B3GAT2: variants seen among roughly 807,000 people sequenced by gnomAD.
The protein encoded by B3GAT2 is galactosylgalactosylxylosylprotein 3-beta-glucuronosyltransferase 2.
In B3GAT2, 26 loss-of-function variants were observed where a neutral mutation model predicts 27.8. That is an observed-to-expected ratio of 0.93 (90% CI 0.68 to 1.30). The LOEUF is 1.30. Ranked by LOEUF, B3GAT2 falls within the 50% of genes most tolerant of loss-of-function variation. The pLI is 0.00. For missense variants in B3GAT2, 458 were observed against 459.0 expected (o/e 1.00, Z 0.02); for synonymous variants, 218 against 195.1 (o/e 1.12, Z -0.98).
intron 1 of B3GAT2, among the ~76,000 whole-genome samples, chr6:70,928,190 T>C (rs1379645069): frequency 6.6e-6 from 1 of 151,874 alleles, no homozygotes; most frequent in African/African-American, 2.4e-5. Flanking sequence ...AAGCAGTGTG[T>C]AGAGGGAAAT....
At chr6:70,898,257 T>C (rs556593311) in intron 1 of B3GAT2, among the ~76,000 whole-genome samples, 1 of 152,324 alleles carries the variant, frequency 6.6e-6, no homozygotes, top group South Asian at 2.1e-4. Flanking sequence ...AGGTCTTTAA[T>C]TTCTCCCAGC....
At chr6:70,891,569 C>T (rs1003265096) in intron 2 of B3GAT2, among the ~76,000 whole-genome samples, 13 of 152,110 alleles carry the variant, frequency 8.5e-5, no homozygotes, top group African/African-American at 1.2e-4. Flanking sequence ...GTGATGACCT[C>T]ACAGAGATAC....
intron 1 of B3GAT2, among the ~76,000 whole-genome samples, chr6:70,910,945 C>A (rs1381431666): frequency 1.3e-5 from 2 of 152,124 alleles, no homozygotes; most frequent in African/African-American, 4.8e-5. Flanking sequence ...GGCATTTTTT[C>A]ATATGCTTGT....
At chr6:70,936,951 T>C (rs1021390283) in intron 1 of B3GAT2, among the ~76,000 whole-genome samples, 3 of 151,842 alleles carry the variant, frequency 2.0e-5, no homozygotes, top group Admixed American at 6.6e-5. Context: ...TTCAAAAAAT[T>C]AATGAATCCA....
intron 1 of B3GAT2, among the ~76,000 whole-genome samples, chr6:70,931,097 C>T (rs1185290136): frequency 1.3e-5 from 2 of 152,066 alleles, no homozygotes. Flanking sequence ...GAAAACCAAA[C>T]ACCACATGTT....
At chr6:70,888,744 C>T (rs1206605051) in intron 2 of B3GAT2, among the ~76,000 whole-genome samples, 1 of 152,110 alleles carries the variant, frequency 6.6e-6, no homozygotes, top group Non-Finnish European at 1.5e-5. Flanking sequence ...TATCTGACCC[C>T]AGCTTGCCCT....
intron 1 of B3GAT2, among the ~76,000 whole-genome samples, chr6:70,910,876 T>C (rs1277876785): frequency 6.6e-6 from 1 of 152,226 alleles, no homozygotes; most frequent in African/African-American, 2.4e-5. Context: ...TTCTGACTGG[T>C]GTGAGATGGT....
At position 70,857,703 on chromosome 6, in the gene B3GAT2, A is replaced by C; in HGVS notation, c.*3960T>G. 1 of 553,872 alleles carries C rather than the reference A, an allele frequency of 1.8e-6. No homozygotes were observed. Among genetic ancestry groups the C allele is most frequent in the Non-Finnish European group, 3.2e-6 (1 of 312,278 alleles). The allele number at this position is 553,872 out of a possible 1,614,324, so 34.3% of individuals were successfully genotyped here. On this transcript the variant is annotated 3_prime_UTR_variant, in exon 4 of 4. Coordinates refer to ENST00000230053, the MANE Select transcript of B3GAT2 (RefSeq NM_080742.3). ...CTGTTGCATATGATTTACATTTCTT[A>C]ATTAAATTTACTCAGGTTAATAACT...
intron 1 of B3GAT2, among the ~76,000 whole-genome samples, chr6:70,939,640 T>C (rs866346120): frequency 1.7e-4 from 25 of 151,084 alleles, no homozygotes; most frequent in Middle Eastern, 3.5e-3. Flanking sequence ...AGTAAACTAT[T>C]GCAAGGACAA....
intron 2 of B3GAT2, among the ~76,000 whole-genome samples, chr6:70,863,665 T>TCA (rs1270130616): frequency 6.6e-6 from 1 of 152,188 alleles, no homozygotes; most frequent in Non-Finnish European, 1.5e-5. Flanking sequence ...ACACTTCAAC[T>TCA]CAATGTTTGA....
intron 1 of B3GAT2, among the ~76,000 whole-genome samples, chr6:70,908,834 G>C (rs1428613084): frequency 6.6e-6 from 1 of 152,054 alleles, no homozygotes; most frequent in Non-Finnish European, 1.5e-5. Context: ...AAATTCTCAG[G>C]TTCTCCTGGT....
chr6:70,885,600 T>C (rs1164173416), intron 2 of B3GAT2, among the ~76,000 whole-genome samples: 5 of 152,136 alleles, frequency 3.3e-5, no homozygotes, highest in Admixed American at 3.3e-4. Context: ...GAAATGAAGT[T>C]CATCATGAGC....
At chr6:70,955,491 G>A (rs1345463262) in intron 1 of B3GAT2, among the ~76,000 whole-genome samples, 2 of 149,148 alleles carry the variant, frequency 1.3e-5, no homozygotes, top group Non-Finnish European at 3.0e-5. Context: ...GCGCCTGCAG[G>A]TCTAAGCTCC....
At chr6:70,879,807 T>TA (rs1458270757) in intron 2 of B3GAT2, among the ~76,000 whole-genome samples, 2 of 151,848 alleles carry the variant, frequency 1.3e-5, no homozygotes, top group East Asian at 3.9e-4. Flanking sequence ...CAGAGACAAG[T>TA]ACACGTGATG....
chr6:70,872,640 C>T (rs1771956311), intron 2 of B3GAT2, among the ~76,000 whole-genome samples: 1 of 151,538 alleles, frequency 6.6e-6, no homozygotes, highest in Non-Finnish European at 1.5e-5. Flanking sequence ...TTTATACATC[C>T]TGTCCATCTG....
chr6:70,911,141 T>G (rs1419521675), intron 1 of B3GAT2, among the ~76,000 whole-genome samples: 2 of 152,250 alleles, frequency 1.3e-5, no homozygotes, highest in Non-Finnish European at 2.9e-5. Flanking sequence ...CTTGATAGTT[T>G]CTTTTTGTTG....
Position 70,956,876 on chromosome 6 carries a change from C to T in B3GAT2, c.-447G>A. On this transcript the variant is annotated 5_prime_UTR_variant, in exon 1 of 4. Coordinates refer to ENST00000230053, the MANE Select transcript of B3GAT2 (RefSeq NM_080742.3). The stretch of plus-strand genomic sequence containing the variant: ...TCCAGCCGCGGGCCCCCAGGACGCT[C>T]TCTGGGACGCCTTCGAGGGCGGGCG... 2.0e-6 allele frequency: 2 copies of T among 1,019,094 alleles called. No individual in the cohort carries two copies. Among genetic ancestry groups the T allele is most frequent in the Non-Finnish European group, 2.3e-6 (2 of 852,254 alleles). 63.1% of individuals were successfully genotyped at this position (1,019,094 alleles called of 1,614,324 possible). A position where few individuals can be genotyped will look rare whatever the true frequency, so the allele number is the denominator to read the frequency against.
At position 70,933,926 on chromosome 6, in the gene B3GAT2, T is replaced by A. The variant is rs1438955115; in HGVS notation, c.591+21913A>T. 2.0e-5 allele frequency among the ~76,000 whole-genome samples: 3 copies of A among 152,196 alleles called. 1 individual carries two copies. Among genetic ancestry groups the A allele is most frequent in the Non-Finnish European group, 4.4e-5 (3 of 68,044 alleles). The stretch of plus-strand genomic sequence containing the variant: ...ACCTCGTTTAATTCTCAGAACCATA[T>A]GTATTATTATCAGGTCCTATGAGGG... On this transcript the variant is annotated intron_variant, in intron 1 of 3. Coordinates refer to ENST00000230053, the MANE Select transcript of B3GAT2 (RefSeq NM_080742.3).
chr6:70,896,597 A>G (rs1289444845), intron 1 of B3GAT2, among the ~76,000 whole-genome samples: 1 of 152,182 alleles, frequency 6.6e-6, no homozygotes. Context: ...ATAACTATAC[A>G]TTAGTTTGCA....
Sources: gnomAD v4.1 joint callset for allele counts (sites outside exome capture counted in the v4.1 genomes callset) on GRCh38, gnomAD v4.1.1 for gene constraint, MANE v1.5 for transcripts, NCBI Gene and HGNC (gene_info 2026-07-23, HGNC 2026-07-21) for gene names.